CCDC83: variants seen among roughly 807,000 people sequenced by gnomAD.
The protein encoded by CCDC83 is coiled-coil domain-containing protein 83.
A neutral mutation model predicts 50.1 loss-of-function variants in CCDC83; 54 were observed. That is an observed-to-expected ratio of 1.08 (90% CI 0.87 to 1.35). The LOEUF (loss-of-function observed/expected upper bound fraction) is 1.35, where lower values mean the gene tolerates loss of function less well. Among genes scored for constraint, CCDC83 ranks in the 40% most tolerant of loss-of-function variants. CCDC83 has a pLI of 0.00. For synonymous variants in CCDC83, 161 were observed against 153.3 expected, an observed-to-expected ratio of 1.05 and a Z score of -0.37; for missense variants, 518 against 473.9, an observed-to-expected ratio of 1.09 and a Z score of -0.86.
At chr11:85,916,700 T>A (rs537824474) in intron 10 of CCDC83, 94 of 157,738 alleles carry the variant, frequency 6.0e-4, no homozygotes, top group Non-Finnish European at 1.1e-3. Context: ...AGCATGTTGA[T>A]GCTGGCTAAA....
chr11:85,892,330 C>G (rs1183927053), intron 5 of CCDC83, among the ~76,000 whole-genome samples: 2 of 152,156 alleles, frequency 1.3e-5, no homozygotes, highest in Non-Finnish European at 2.9e-5. Flanking sequence ...TTTACATGCC[C>G]CACTTTCTTT....
At chr11:85,900,845 G>A (rs185834582) in intron 7 of CCDC83, among the ~76,000 whole-genome samples, 85 of 151,944 alleles carry the variant, frequency 5.6e-4, no homozygotes, top group African/African-American at 2.0e-3. Flanking sequence ...AGGGCAGATC[G>A]CTTGAGGCCA....
At chr11:85,902,753 C>T (rs1467012891) in intron 7 of CCDC83, among the ~76,000 whole-genome samples, 1 of 152,266 alleles carries the variant, frequency 6.6e-6, no homozygotes, top group Non-Finnish European at 1.5e-5. Flanking sequence ...TCCACCTTCC[C>T]CACCCTGCCA....
chr11:85,885,314 A>G (rs892374458), intron 4 of CCDC83, among the ~76,000 whole-genome samples: 1 of 152,174 alleles, frequency 6.6e-6, no homozygotes, highest in South Asian at 2.1e-4. Context: ...GCCTGATTGA[A>G]ATGCTTCAGT....
chr11:85,881,128 G>A (rs2093297198), intron 3 of CCDC83, among the ~76,000 whole-genome samples: 1 of 152,082 alleles, frequency 6.6e-6, no homozygotes, highest in African/African-American at 2.4e-5. Flanking sequence ...CAGCACTTTG[G>A]GAGGCCGCGG....
intron 4 of CCDC83, 54 bp from the exon 5 acceptor site, chr11:85,886,146 C>T: frequency 2.2e-6 from 3 of 1,363,464 alleles, no homozygotes; most frequent in Non-Finnish European, 2.9e-6. Flanking sequence ...CAGATTGCAA[C>T]ATATAATGGT....
intron 7 of CCDC83, 54 bp from the exon 8 acceptor site, chr11:85,911,227 T>A: frequency 2.2e-6 from 3 of 1,344,030 alleles, no homozygotes; most frequent in South Asian, 1.9e-5. Flanking sequence ...AAAAGAAAAC[T>A]TAATAGAACT....
chr11:85,914,660 T>C (rs1417049442), intron 8 of CCDC83, among the ~76,000 whole-genome samples: 3 of 152,236 alleles, frequency 2.0e-5, no homozygotes, highest in African/African-American at 4.8e-5. Flanking sequence ...TCTCAATTTT[T>C]TGAACTTTAA....
chr11:85,870,667 G>A (rs1328549648), intron 2 of CCDC83, among the ~76,000 whole-genome samples: 1 of 151,944 alleles, frequency 6.6e-6, no homozygotes, highest in Non-Finnish European at 1.5e-5. Flanking sequence ...GCAGCACAGA[G>A]CCTTATTTTC....
chr11:85,865,156 T>G lies in CCDC83; in HGVS notation c.33T>G (p.Asp11Glu). 1 of 1,612,980 alleles carries G rather than the reference T, an allele frequency of 6.2e-7. No individual in the cohort carries two copies. Among genetic ancestry groups the G allele is most frequent in the South Asian group, 1.1e-5 (1 of 91,072 alleles). The change falls in exon 2 of 11, where the codon GAT (aspartate) becomes GAG (glutamate). Residue 11 changes from aspartate (D) to glutamate (E), a missense_variant. Coordinates refer to ENST00000342404, the MANE Select transcript of CCDC83 (RefSeq NM_001286159.2). MENSGKANKKDTHDGPPKEIK... is the reference protein window; with the variant it reads MENSGKANKKETHDGPPKEIK... ...ACTCAGGGAAAGCAAATAAAAAGGATACACATGACGGGCCACCAAAAGAAA... is the reference window on the plus strand; with the variant it reads ...ACTCAGGGAAAGCAAATAAAAAGGAGACACATGACGGGCCACCAAAAGAAA...
At chr11:85,895,761 TA>T (rs2093371555) in intron 6 of CCDC83, among the ~76,000 whole-genome samples, 1 of 152,174 alleles carries the variant, frequency 6.6e-6, no homozygotes, top group Non-Finnish European at 1.5e-5. Context: ...GTGTGAGGGT[TA>T]AATGAGATGA....
chr11:85,903,191 C>A (rs1027224429), intron 7 of CCDC83, among the ~76,000 whole-genome samples: 1 of 152,096 alleles, frequency 6.6e-6, no homozygotes, highest in Non-Finnish European at 1.5e-5. Context: ...TGAGAGTGCA[C>A]CACTGCACTC....
intron 8 of CCDC83, chr11:85,912,605 A>G (rs1239072632): frequency 5.2e-6 from 6 of 1,159,728 alleles, no homozygotes; most frequent in Non-Finnish European, 7.8e-6. Context: ...ACTGTTGCCC[A>G]GTAGGCAATG....
chr11:85,860,242 C>A (rs2093167904), intron 1 of CCDC83, among the ~76,000 whole-genome samples: 1 of 141,938 alleles, frequency 7.0e-6, no homozygotes, highest in African/African-American at 2.7e-5. Flanking sequence ...GCAAAGGTTG[C>A]AGTGAGCCGA....
rs192081413 is a variant in CCDC83, at chr11:85,873,967, T to C, written c.180+672T>C. On this transcript the variant is annotated intron_variant, in intron 3 of 10. Coordinates refer to ENST00000342404, the MANE Select transcript of CCDC83 (RefSeq NM_001286159.2). ...ACTTTCACAGCTAACTGTTTTATTT[T>C]GGCTTCTGTCTAAAAAGAATATATC... is the stretch of plus-strand genomic sequence containing the variant. 4.4e-3 allele frequency among the ~76,000 whole-genome samples: 672 copies of C among 152,334 alleles called. 3 individuals carry two copies. Among genetic ancestry groups the C allele is most frequent in the Admixed American group, 0.011 (161 of 15,294 alleles).
intron 1 of CCDC83, among the ~76,000 whole-genome samples, chr11:85,858,009 T>G (rs1225992075): frequency 6.6e-6 from 1 of 152,194 alleles, no homozygotes; most frequent in East Asian, 1.9e-4. Context: ...TGATGTCAAG[T>G]GGCTCAACAA....
intron 4 of CCDC83, among the ~76,000 whole-genome samples, chr11:85,884,101 G>A (rs1830994590): frequency 6.6e-6 from 1 of 152,186 alleles, no homozygotes. Context: ...AATGGGCCCA[G>A]TTAGTTGAGA....
At chr11:85,867,483 T>C (rs566165161) in intron 2 of CCDC83, among the ~76,000 whole-genome samples, 1 of 152,344 alleles carries the variant, frequency 6.6e-6, no homozygotes, top group African/African-American at 2.4e-5. Flanking sequence ...TAGGATTGAG[T>C]GAAGGGATCA....
chr11:85,865,010 GTC>G lies in CCDC83; in HGVS notation c.-28-85_-28-84del, dbSNP rs1566068533. ...AATCAGGATAGAAAGCCAGTATTAA[GTC>G]CCAGAGGTACCTTATCTAGAGTAAA... On this transcript the variant is annotated intron_variant, in intron 1 of 10. Coordinates refer to ENST00000342404, the MANE Select transcript of CCDC83 (RefSeq NM_001286159.2). The G allele has an allele frequency of 4.5e-5, 31 of 694,038 alleles. No individual in the cohort carries two copies. In the South Asian group the frequency reaches 5.3e-4, roughly 12 times the overall value. 43.0% of individuals were successfully genotyped at this position (694,038 alleles called of 1,614,324 possible).
Sources: gnomAD v4.1 joint callset for allele counts (sites outside exome capture counted in the v4.1 genomes callset) on GRCh38, gnomAD v4.1.1 for gene constraint, MANE v1.5 for transcripts, NCBI Gene and HGNC (gene_info 2026-07-23, HGNC 2026-07-21) for gene names.